ANKS1B: variants seen among roughly 807,000 people sequenced by gnomAD.
ANKS1B encodes the protein ankyrin repeat and sterile alpha motif domain-containing protein 1B.
A neutral mutation model predicts 148.3 loss-of-function variants in ANKS1B; 36 were observed. The ratio of observed to expected loss-of-function variants is 0.24; its 90% CI spans 0.19 to 0.32. The LOEUF (loss-of-function observed/expected upper bound fraction) is 0.32, where lower values mean the gene tolerates loss of function less well. Ranked by LOEUF, ANKS1B falls within the 10% of genes least tolerant of loss-of-function variation. The pLI, the probability that ANKS1B is intolerant of heterozygous loss-of-function variation, is 1.00. For synonymous variants in ANKS1B, 542 were observed against 560.8 expected, an observed-to-expected ratio of 0.97 and a Z score of 0.47; for missense variants, 1,157 against 1,542.6, an observed-to-expected ratio of 0.75 and a Z score of 4.19.
chr12:99,616,429 G>C (rs560645269), intron 9 of ANKS1B, among the ~76,000 whole-genome samples: 3 of 152,050 alleles, frequency 2.0e-5, no homozygotes, highest in African/African-American at 7.2e-5. Flanking sequence ...CAGGGTACTC[G>C]TACCAAACCA....
chr12:98,921,264 C>T (rs2099801057), intron 17 of ANKS1B, among the ~76,000 whole-genome samples: 1 of 152,082 alleles, frequency 6.6e-6, no homozygotes, highest in Non-Finnish European at 1.5e-5. Flanking sequence ...CAAGGATGCA[C>T]CCAAAATGTA....
intron 1 of ANKS1B, among the ~76,000 whole-genome samples, chr12:99,942,013 C>G (rs1289715268): frequency 6.6e-6 from 1 of 152,052 alleles, no homozygotes; most frequent in Non-Finnish European, 1.5e-5. Context: ...GGACAGAGCA[C>G]AGATTAGGGC....
At chr12:99,208,763 G>A (rs1469724374) in intron 14 of ANKS1B, among the ~76,000 whole-genome samples, 2 of 151,960 alleles carry the variant, frequency 1.3e-5, no homozygotes, top group African/African-American at 4.8e-5. Flanking sequence ...GAAGAGTTAT[G>A]GTTTTTTATG....
chr12:99,611,964 T>C lies in ANKS1B; in HGVS notation c.1272+43103A>G, dbSNP rs537657415. 1.3e-4 allele frequency among the ~76,000 whole-genome samples: 20 copies of C among 152,206 alleles called. No individual in the cohort carries two copies. In the East Asian group the frequency reaches 3.5e-3, roughly 26 times the overall value. On this transcript the variant is annotated intron_variant, in intron 9 of 26. Transcript: ENST00000683438. The stretch of plus-strand genomic sequence containing the variant: ...CATATGAGAAGTTCTCACGTAAATG[T>C]CCTGAATATCTAAACCAATGTATTC...
intron 1 of ANKS1B, among the ~76,000 whole-genome samples, chr12:99,965,432 T>C (rs989810287): frequency 1.3e-5 from 2 of 152,176 alleles, no homozygotes; most frequent in Non-Finnish European, 2.9e-5. Context: ...GAATGGGATA[T>C]CTGCATAAAT....
At chr12:98,750,123 G>T (rs899817361) in intron 26 of ANKS1B, among the ~76,000 whole-genome samples, 1 of 152,170 alleles carries the variant, frequency 6.6e-6, no homozygotes, top group Non-Finnish European at 1.5e-5. Context: ...AGCTGGCCAC[G>T]TGAGTCTGGA....
At chr12:98,994,873 C>T (rs1350131473) in intron 17 of ANKS1B, among the ~76,000 whole-genome samples, 1 of 152,132 alleles carries the variant, frequency 6.6e-6, no homozygotes, top group Non-Finnish European at 1.5e-5. Flanking sequence ...ATCCCATCTC[C>T]AAATACAGTC....
At chr12:99,217,242 C>A (rs1451863623) in intron 14 of ANKS1B, among the ~76,000 whole-genome samples, 1 of 152,040 alleles carries the variant, frequency 6.6e-6, no homozygotes, top group African/African-American at 2.4e-5. Context: ...CACTCCTCCC[C>A]CTGAACAACA....
chr12:99,588,517 T>C (rs2097666876), intron 9 of ANKS1B, among the ~76,000 whole-genome samples: 2 of 151,656 alleles, frequency 1.3e-5, no homozygotes, highest in Admixed American at 6.6e-5. Flanking sequence ...CCCGGGTTCA[T>C]GCTATTCTCC....
At chr12:99,326,648 G>A (rs1379790559) in intron 12 of ANKS1B, among the ~76,000 whole-genome samples, 1 of 151,960 alleles carries the variant, frequency 6.6e-6, no homozygotes, top group Non-Finnish European at 1.5e-5. Context: ...TACGTAAAAA[G>A]TGCCTTGAAC....
rs947569231 is a variant in ANKS1B, at chr12:99,651,143, A to G, written c.1272+3924T>C. ...TCCCAAAGGCCCCTGTATATATTGT[A>G]AGGAAGCAGTTTACCAGTAGACCCT... is the stretch of plus-strand genomic sequence containing the variant. On this transcript the variant is annotated intron_variant, in intron 9 of 26. Transcript: ENST00000683438. Among the ~76,000 whole-genome samples, 6 of 152,286 alleles carry G rather than the reference A, an allele frequency of 3.9e-5. No homozygotes were observed. The East Asian group carries it at 1.2e-3, about 29-fold the overall frequency.
chr12:99,344,667 T>C (rs1450854045), intron 12 of ANKS1B, among the ~76,000 whole-genome samples: 1 of 152,118 alleles, frequency 6.6e-6, no homozygotes, highest in Non-Finnish European at 1.5e-5. Flanking sequence ...ATCCTTTGTA[T>C]CTAATTTCCT....
At chr12:99,796,268 G>A (rs998653921) in intron 4 of ANKS1B, among the ~76,000 whole-genome samples, 5 of 151,956 alleles carry the variant, frequency 3.3e-5, no homozygotes, top group African/African-American at 1.2e-4. Flanking sequence ...TTTTCATCAT[G>A]CTACTCAGAA....
At chr12:99,471,114 A>G (rs983681637) in intron 10 of ANKS1B, among the ~76,000 whole-genome samples, 23 of 152,118 alleles carry the variant, frequency 1.5e-4, no homozygotes, top group Admixed American at 1.2e-3. Context: ...AATGACAACC[A>G]AAAGTATAAT....
intron 8 of ANKS1B, among the ~76,000 whole-genome samples, chr12:99,736,627 C>T (rs2059641545): frequency 1.3e-5 from 2 of 151,838 alleles, no homozygotes; most frequent in Admixed American, 1.3e-4. Context: ...ATCCCATGTT[C>T]ACAGATCAGA....
chr12:99,332,978 G>C (rs756049916), intron 12 of ANKS1B, among the ~76,000 whole-genome samples: 7 of 151,958 alleles, frequency 4.6e-5, no homozygotes, highest in Non-Finnish European at 1.0e-4. Context: ...CTTTGGGATT[G>C]ATCCTACAGA....
At chr12:98,969,078 A>C (rs933855895) in intron 17 of ANKS1B, among the ~76,000 whole-genome samples, 1 of 152,186 alleles carries the variant, frequency 6.6e-6, no homozygotes, top group African/African-American at 2.4e-5. Context: ...TGTCCTAGTG[A>C]ATAAACCTGG....
rs925070142 is a variant in ANKS1B, at chr12:99,877,010, G to A, written c.135-51621C>T. On this transcript the variant is annotated intron_variant, in intron 1 of 26. Transcript: ENST00000683438. ...TTAGCTGCTGCTTCTGGCATTTAGCGCCATGCTTCTAAATCACGTGTGTCT... is the reference window on the plus strand; with the variant it reads ...TTAGCTGCTGCTTCTGGCATTTAGCACCATGCTTCTAAATCACGTGTGTCT... 2.6e-5 allele frequency among the ~76,000 whole-genome samples: 4 copies of A among 152,106 alleles called. 1 individual carries two copies. In the Middle Eastern group the frequency reaches 0.01, roughly 388 times the overall value.
intron 26 of ANKS1B, among the ~76,000 whole-genome samples, chr12:98,748,320 G>C (rs1378622912): frequency 6.6e-6 from 1 of 152,160 alleles, no homozygotes; most frequent in East Asian, 1.9e-4. Flanking sequence ...GACCCAGTCA[G>C]GCTAAGCCTT....
Sources: gnomAD v4.1 joint callset for allele counts (sites outside exome capture counted in the v4.1 genomes callset) on GRCh38, gnomAD v4.1.1 for gene constraint, MANE v1.5 for transcripts, NCBI Gene and HGNC (gene_info 2026-07-23, HGNC 2026-07-21) for gene names.